The following TENM3 variants were observed in gnomAD, a reference collection of about 807,000 sequenced individuals.
The protein encoded by TENM3 is teneurin transmembrane protein 3, also known as teneurin-3.
A neutral mutation model predicts 255.1 loss-of-function variants in TENM3; 63 were observed. The observed-to-expected ratio is 0.25, with a 90% CI of 0.20 to 0.30. TENM3 has a LOEUF of 0.30. Among genes scored for constraint, TENM3 ranks in the 10% least tolerant of loss-of-function variants. The probability of loss-of-function intolerance (pLI) is 1.00; values close to 1 mark genes in which losing one functional copy is unlikely to be tolerated. For synonymous variants in TENM3, 1,306 were observed against 1,322.3 expected (o/e 0.99, Z 0.27); for missense variants, 2,929 against 3,461.1 (o/e 0.85, Z 3.86).
the TENM3 span, among the ~76,000 whole-genome samples, chr4:181,589,304 G>GT: frequency 6.6e-6 from 1 of 152,054 alleles, no homozygotes; most frequent in Non-Finnish European, 1.5e-5. Flanking sequence ...ACTCTATGTC[G>GT]TTTTTGTGAC....
chr4:182,521,123 T>C (rs563549694), intron 3 of TENM3, among the ~76,000 whole-genome samples: 126 of 152,302 alleles, frequency 8.3e-4, no homozygotes, highest in Non-Finnish European at 1.5e-3. Context: ...TTAGAAAATA[T>C]ATTTCACAAT....
the TENM3 span, among the ~76,000 whole-genome samples, chr4:181,740,077 G>A: frequency 1.3e-4 from 20 of 152,130 alleles, no homozygotes; most frequent in Admixed American, 1.1e-3. Flanking sequence ...AGCACATACC[G>A]AAATGTTTCT....
Position 182,507,701 on chromosome 4 carries a change from G to A in TENM3, c.512-93223G>A, listed in dbSNP as rs150575937. On this transcript the variant is annotated intron_variant, in intron 3 of 27. Coordinates refer to ENST00000511685, the MANE Select transcript of TENM3 (RefSeq NM_001080477.4). ...GAACGAGATTCTTTGCAAAAGATTT[G>A]GTCAAATATCTGGAAGTCTTCCACT... 5.4e-3 allele frequency among the ~76,000 whole-genome samples: 820 copies of A among 152,198 alleles called. 3 individuals carry two copies. The highest frequency in any genetic ancestry group is 9.5e-3 in the Non-Finnish European group (648 of 67,990).
At chr4:181,544,860 C>T in the TENM3 span, among the ~76,000 whole-genome samples, 1 of 152,186 alleles carries the variant, frequency 6.6e-6, no homozygotes, top group Admixed American at 6.5e-5. Context: ...AACAGTGGGT[C>T]TTCATAGAGA....
the TENM3 span, among the ~76,000 whole-genome samples, chr4:181,814,139 A>G: frequency 6.6e-6 from 1 of 152,226 alleles, no homozygotes; most frequent in African/African-American, 2.4e-5. Context: ...TATGCTGCTT[A>G]CAGAACAAGT....
At chr4:182,174,434 A>G (rs1297632901) in intron 1 of TENM3, among the ~76,000 whole-genome samples, 2 of 118,516 alleles carry the variant, frequency 1.7e-5, no homozygotes, top group Non-Finnish European at 3.5e-5. Context: ...TTTTGTAGGC[A>G]CTCTTTTTGT....
At chr4:181,752,506 C>A in the TENM3 span, among the ~76,000 whole-genome samples, 2 of 151,934 alleles carry the variant, frequency 1.3e-5, no homozygotes, top group African/African-American at 4.8e-5. Flanking sequence ...AAGCAGAGAT[C>A]ACACCACTGC....
the TENM3 span, among the ~76,000 whole-genome samples, chr4:182,030,311 C>T: frequency 2.0e-5 from 3 of 151,932 alleles, no homozygotes; most frequent in Non-Finnish European, 4.4e-5. Flanking sequence ...TCAGCTCTCA[C>T]TTATAAGTGA....
chr4:182,341,222 G>T (rs941934328), intron 2 of TENM3, among the ~76,000 whole-genome samples: 23 of 151,928 alleles, frequency 1.5e-4, no homozygotes, highest in African/African-American at 5.6e-4. Flanking sequence ...AAGAAGATAG[G>T]CTTTAATTTT....
intron 1 of TENM3, among the ~76,000 whole-genome samples, chr4:182,226,662 T>C (rs773849266): frequency 4.6e-5 from 7 of 152,172 alleles, no homozygotes; most frequent in Non-Finnish European, 8.8e-5. Context: ...AGAGCCTCCC[T>C]CCACCTTGGA....
At chr4:181,919,772 G>A in the TENM3 span, among the ~76,000 whole-genome samples, 1 of 151,462 alleles carries the variant, frequency 6.6e-6, no homozygotes, top group Non-Finnish European at 1.5e-5. Context: ...TAGGGTACAT[G>A]TGCACAATGT....
intron 3 of TENM3, among the ~76,000 whole-genome samples, chr4:182,518,282 G>C (rs1738206227): frequency 6.9e-6 from 1 of 144,496 alleles, no homozygotes; most frequent in Non-Finnish European, 1.6e-5. Context: ...CCCACCCCTG[G>C]GTGCGCCCAT....
the TENM3 span, among the ~76,000 whole-genome samples, chr4:181,471,129 AT>A: frequency 6.6e-6 from 1 of 152,102 alleles, no homozygotes; most frequent in African/African-American, 2.4e-5. Flanking sequence ...TATCTTCCAC[AT>A]TGTTAATTTT....
At chr4:182,497,029 C>A (rs1560830152) in intron 3 of TENM3, among the ~76,000 whole-genome samples, 1 of 151,002 alleles carries the variant, frequency 6.6e-6, no homozygotes, top group Non-Finnish European at 1.5e-5. Flanking sequence ...CCATGTTATA[C>A]TAAGTATACT....
chr4:181,705,308 A>C, the TENM3 span, among the ~76,000 whole-genome samples: 5 of 152,220 alleles, frequency 3.3e-5, no homozygotes, highest in African/African-American at 1.2e-4. Flanking sequence ...ACATTCAAAT[A>C]TTATATACAA....
chr4:182,800,675 A>C lies in TENM3; in HGVS notation c.*324A>C. On this transcript the variant is annotated 3_prime_UTR_variant, in exon 28 of 28. Transcript: ENST00000511685. Reference sequence around the variant, plus strand: ...TCCTTCTAGGCACTGTATTTAACTAACTTTAAAAAAGAAAAAAAAATGTGT... The same window carrying C: ...TCCTTCTAGGCACTGTATTTAACTACCTTTAAAAAAGAAAAAAAAATGTGT... The C allele has an allele frequency of 4.8e-6, 1 of 210,302 alleles. No individual in the cohort carries two copies. Among genetic ancestry groups the C allele is most frequent in the Non-Finnish European group, 9.5e-6 (1 of 105,154 alleles). The allele number at this position is 210,302 out of a possible 1,614,324, so 13.0% of individuals were successfully genotyped here.
the TENM3 span, among the ~76,000 whole-genome samples, chr4:181,532,957 T>TG: frequency 1.3e-5 from 2 of 152,222 alleles, no homozygotes; most frequent in Non-Finnish European, 2.9e-5. Context: ...TTTAAGACTG[T>TG]GAAATGTTTT....
At chr4:182,023,970 T>G in the TENM3 span, among the ~76,000 whole-genome samples, 2 of 152,230 alleles carry the variant, frequency 1.3e-5, no homozygotes, top group Non-Finnish European at 2.9e-5. Context: ...GACAAATTCC[T>G]TACTGCCATT....
At chr4:181,731,652 C>A in the TENM3 span, among the ~76,000 whole-genome samples, 2 of 152,164 alleles carry the variant, frequency 1.3e-5, no homozygotes, top group Admixed American at 6.5e-5. Context: ...CTGTTCAAGA[C>A]AATGTGTGTC....
Sources: allele counts gnomAD v4.1 joint callset (sites outside exome capture counted in the v4.1 genomes callset), GRCh38; gene constraint gnomAD v4.1.1; transcripts MANE v1.5; gene names NCBI Gene and HGNC (gene_info 2026-07-23, HGNC 2026-07-21).